The following AGTPBP1 variants were observed in gnomAD, a reference collection of about 807,000 sequenced individuals.
AGTPBP1 encodes cytosolic carboxypeptidase 1.
AGTPBP1 carries 70 observed loss-of-function variants against 143.9 expected under a neutral mutation model. The ratio of observed to expected loss-of-function variants is 0.49; its 90% CI spans 0.40 to 0.59. AGTPBP1 has a LOEUF of 0.59. Ranked by LOEUF, AGTPBP1 falls within the 20% of genes least tolerant of loss-of-function variation. The pLI is 0.00. For synonymous variants in AGTPBP1, 463 were observed against 500.2 expected (o/e 0.93, Z 0.99); for missense variants, 1,229 against 1,464.5 (o/e 0.84, Z 2.62).
chr9:85,718,785 G>C (rs761437294), intron 1 of AGTPBP1, among the ~76,000 whole-genome samples: 9 of 152,064 alleles, frequency 5.9e-5, no homozygotes, highest in Non-Finnish European at 1.3e-4. Flanking sequence ...TTTTCTTCTA[G>C]GTTTTTATGG....
intron 1 of AGTPBP1, among the ~76,000 whole-genome samples, chr9:85,720,346 A>G (rs62570605): frequency 0.015 from 2,256 of 152,198 alleles, 25 homozygotes; most frequent in Middle Eastern, 0.037. Context: ...AGAACCTGTT[A>G]TTGGTCTATT....
the AGTPBP1 span, among the ~76,000 whole-genome samples, chr9:85,783,317 T>C: frequency 1.3e-5 from 2 of 152,196 alleles, no homozygotes; most frequent in Non-Finnish European, 2.9e-5. Context: ...TTTTTGACTA[T>C]AAAAATAATG....
chr9:85,789,372 T>G, the AGTPBP1 span, among the ~76,000 whole-genome samples: 1 of 152,230 alleles, frequency 6.6e-6, no homozygotes, highest in Non-Finnish European at 1.5e-5. Context: ...ACATGCTTTT[T>G]CTAAACATTT....
chr9:85,781,458 T>G, the AGTPBP1 span: 326 of 1,335,118 alleles, frequency 2.4e-4, 1 homozygote, highest in Admixed American at 2.0e-3. Flanking sequence ...ACCAATTGAT[T>G]GGGTTATTTA....
chr9:85,628,450 A>G (rs1279874399), intron 14 of AGTPBP1, among the ~76,000 whole-genome samples: 2 of 152,218 alleles, frequency 1.3e-5, no homozygotes, highest in African/African-American at 4.8e-5. Context: ...ATACAATTAT[A>G]TGATGATGAG....
chr9:85,577,710 T>G (rs1827985015), intron 24 of AGTPBP1, among the ~76,000 whole-genome samples: 1 of 152,218 alleles, frequency 6.6e-6, no homozygotes, highest in Non-Finnish European at 1.5e-5. Context: ...TTTAAGTAAT[T>G]TCTACTTTAC....
intron 6 of AGTPBP1, among the ~76,000 whole-genome samples, chr9:85,676,535 A>T (rs1587878557): frequency 6.6e-6 from 1 of 152,002 alleles, no homozygotes; most frequent in African/African-American, 2.4e-5. Context: ...GCTGTTATCA[A>T]GAAGACAGAA....
intron 2 of AGTPBP1, among the ~76,000 whole-genome samples, chr9:85,706,371 C>T (rs897500760): frequency 1.3e-5 from 2 of 151,638 alleles, no homozygotes; most frequent in Admixed American, 1.3e-4. Context: ...ACTAGCCAGG[C>T]ATCGTGGCAG....
At chr9:85,633,981 C>T (rs1831860548) in intron 13 of AGTPBP1, among the ~76,000 whole-genome samples, 2 of 151,190 alleles carry the variant, frequency 1.3e-5, no homozygotes, top group African/African-American at 4.9e-5. Context: ...GACCTGAGGT[C>T]AGGAGTTCAA....
intron 23 of AGTPBP1, among the ~76,000 whole-genome samples, chr9:85,582,330 A>G (rs979863744): frequency 2.0e-5 from 3 of 152,176 alleles, no homozygotes; most frequent in African/African-American, 7.2e-5. Context: ...CCTCAGTCTT[A>G]TAACTTAAAT....
chr9:85,795,793 C>T, the AGTPBP1 span, among the ~76,000 whole-genome samples: 1 of 146,258 alleles, frequency 6.8e-6, no homozygotes, highest in Non-Finnish European at 1.5e-5. Flanking sequence ...GACATGATTT[C>T]GTTGTTTTTT....
At chr9:85,593,363 A>T (rs1829092172) in intron 18 of AGTPBP1, among the ~76,000 whole-genome samples, 1 of 152,186 alleles carries the variant, frequency 6.6e-6, no homozygotes, top group Non-Finnish European at 1.5e-5. Flanking sequence ...TGAGAAATTT[A>T]AAAAAAGAGA....
At chr9:85,672,798 C>G in intron 6 of AGTPBP1, 117 bp from the exon 7 acceptor site, 11 of 708,328 alleles carry the variant, frequency 1.6e-5, no homozygotes, top group South Asian at 4.5e-5. Context: ...GCAGTGGCTC[C>G]ATCTCAGCTC....
At chr9:85,650,452 G>A (rs1209630780) in intron 11 of AGTPBP1, among the ~76,000 whole-genome samples, 1 of 152,018 alleles carries the variant, frequency 6.6e-6, no homozygotes, top group East Asian at 1.9e-4. Flanking sequence ...TCTTCCTTAT[G>A]ACTTTTCAAA....
In AGTPBP1 at chr9:85,610,534, G is replaced by A. The variant is rs540375108; in HGVS notation, c.2335+8449C>T. Among the ~76,000 whole-genome samples the A allele has an allele frequency of 7.2e-5, 11 of 152,216 alleles. No homozygotes were observed. The South Asian group carries it at 2.1e-3, about 29-fold the overall frequency. On this transcript the variant is annotated intron_variant, in intron 17 of 25. Transcript: ENST00000357081. ...AAGAAAAGGACAACTTGAAAGAGAA[G>A]CAACTGCCAGCCTGTTCCTTTTTGG...
chr9:85,792,805 G>C, the AGTPBP1 span, among the ~76,000 whole-genome samples: 1 of 151,972 alleles, frequency 6.6e-6, no homozygotes, highest in Non-Finnish European at 1.5e-5. Context: ...AAAGCACTTT[G>C]AAAATTGAAG....
intron 1 of AGTPBP1, among the ~76,000 whole-genome samples, chr9:85,728,511 C>T (rs1436458235): frequency 6.6e-6 from 1 of 152,140 alleles, no homozygotes; most frequent in Admixed American, 6.5e-5. Context: ...TGCAAGTTTT[C>T]AACTTCTTAA....
intron 1 of AGTPBP1, among the ~76,000 whole-genome samples, chr9:85,713,228 T>C (rs1310725881): frequency 6.6e-6 from 1 of 152,218 alleles, no homozygotes; most frequent in Non-Finnish European, 1.5e-5. Flanking sequence ...ATAACTACTG[T>C]GAATTCAAAA....
chr9:85,758,223 A>G, the AGTPBP1 span, among the ~76,000 whole-genome samples: 82,494 of 152,076 alleles, frequency 0.54, 23,958 homozygotes, highest in Non-Finnish European at 0.67. Flanking sequence ...ACTCAGAGAC[A>G]TTAGAGATAG....
Sources: allele counts gnomAD v4.1 joint callset (sites outside exome capture counted in the v4.1 genomes callset), GRCh38; gene constraint gnomAD v4.1.1; transcripts MANE v1.5; gene names NCBI Gene and HGNC (gene_info 2026-07-23, HGNC 2026-07-21).